The following DHX36 variants were observed in gnomAD, a reference collection of about 807,000 sequenced individuals.
The protein encoded by DHX36 is DEAH-box helicase 36.
Under a neutral mutation model 139.0 loss-of-function variants are expected in DHX36, and 50 were observed. The observed-to-expected ratio is 0.36, with a 90% CI of 0.29 to 0.46. The LOEUF is 0.46. Among genes scored for constraint, DHX36 ranks in the 20% least tolerant of loss-of-function variants. The pLI, the probability that DHX36 is intolerant of heterozygous loss-of-function variation, is 1.00. For missense variants in DHX36, 1,024 were observed against 1,211.3 expected, an observed-to-expected ratio of 0.85 and a Z score of 2.29; for synonymous variants, 425 against 401.9, an observed-to-expected ratio of 1.06 and a Z score of -0.69.
Position 154,285,006 on chromosome 3 carries a change from T to G in DHX36, c.2032-19A>C, listed in dbSNP as rs1711507160. 1 of 1,613,300 alleles carries G rather than the reference T, an allele frequency of 6.2e-7. No individual in the cohort carries two copies. The highest frequency in any genetic ancestry group is 2.2e-5 in the East Asian group (1 of 44,854). On this transcript the variant is annotated intron_variant, in intron 17 of 24. Coordinates refer to ENST00000496811, the MANE Select transcript of DHX36 (RefSeq NM_020865.3). ...AAGCGTTCTGTAAAGGAAGAGTGTGTGTTTAAAATAGATCCTGTAAAGCAT... is the reference window on the plus strand; with the variant it reads ...AAGCGTTCTGTAAAGGAAGAGTGTGGGTTTAAAATAGATCCTGTAAAGCAT...
At chr3:154,310,828 T>TATATATATGTATATAC (rs1712729496) in intron 4 of DHX36, among the ~76,000 whole-genome samples, 4 of 32,956 alleles carry the variant, frequency 1.2e-4, no homozygotes, top group Non-Finnish European at 1.8e-4. Context: ...TATATATATA[T>TATATATATGTATATAC]ATATATATAT....
chr3:154,310,829 A>ATATATG (rs1712729886), intron 4 of DHX36, among the ~76,000 whole-genome samples: 3 of 41,088 alleles, frequency 7.3e-5, no homozygotes, highest in African/African-American at 1.4e-4. Flanking sequence ...ATATATATAT[A>ATATATG]TATATATATA....
intron 4 of DHX36, among the ~76,000 whole-genome samples, chr3:154,311,028 G>A (rs765129855): frequency 3.3e-5 from 5 of 150,934 alleles, no homozygotes; most frequent in Non-Finnish European, 4.4e-5. Flanking sequence ...TAGAATGCCA[G>A]GCACTGTTCT....
chr3:154,292,422 G>T, intron 15 of DHX36, 129 bp downstream of exon 15: 1 of 1,276,712 alleles, frequency 7.8e-7, no homozygotes, highest in Non-Finnish European at 1.1e-6. Flanking sequence ...ATTTAAAAAT[G>T]TTTTGCAATA....
At chr3:154,282,463 ATTC>A (rs1465880715) in intron 20 of DHX36, among the ~76,000 whole-genome samples, 1 of 151,432 alleles carries the variant, frequency 6.6e-6, no homozygotes, top group Non-Finnish European at 1.5e-5. Context: ...CTGAATTCAT[ATTC>A]TTATTAGCTA....
intron 1 of DHX36, chr3:154,319,212 G>A (rs1284132751): frequency 1.3e-5 from 2 of 151,904 alleles, no homozygotes; most frequent in Non-Finnish European, 1.5e-5. Flanking sequence ...TTTTTTTCAT[G>A]ACTATTTTCT....
chr3:154,323,968 T>A (rs1024897601), intron 1 of DHX36, among the ~76,000 whole-genome samples: 6 of 152,220 alleles, frequency 3.9e-5, no homozygotes, highest in African/African-American at 1.4e-4. Flanking sequence ...CCTGCATAAA[T>A]CCTGCCTGTT....
rs1164733878 is a variant in DHX36 at position 154,316,079 on chromosome 3, A to C, written c.328T>G (p.Ser110Ala). 6.2e-7 allele frequency: 1 copy of C among 1,613,068 alleles called. No individual in the cohort carries two copies. The highest frequency in any genetic ancestry group is 8.5e-7 in the Non-Finnish European group (1 of 1,179,494). The change falls in exon 2 of 25, where the codon TCA becomes GCA. Residue 110 changes from serine to alanine, a missense_variant. By Grantham distance (99) the Ser-to-Ala change is moderately conservative. Around this residue, in one of 4 missense-constraint regions of DHX36, gnomAD observed 293 missense variants for 274.4 expected, o/e 1.07. Coordinates refer to ENST00000496811, the MANE Select transcript of DHX36 (RefSeq NM_020865.3). Reference sequence around the variant, plus strand: ...GCAAACCAGGATATCTGTGCTTCTGACTCTTTATCATTCTTCGCTTGAACA... The same window carrying C: ...GCAAACCAGGATATCTGTGCTTCTGCCTCTTTATCATTCTTCGCTTGAACA... ...NSVQAKNDKE[S>A]EAQISWFAPE...
intron 3 of DHX36, 45 bp downstream of exon 3, chr3:154,315,001 T>C: frequency 7.4e-7 from 1 of 1,359,936 alleles, no homozygotes; most frequent in Non-Finnish European, 1.0e-6. Flanking sequence ...TTTTATAAAG[T>C]GTAAGAAAAA....
chr3:154,283,120 T>C lies in DHX36; in HGVS notation c.2376+68A>G. 2.4e-6 allele frequency: 3 copies of C among 1,253,188 alleles called. No homozygotes were observed. The Admixed American group carries it at 5.1e-5, about 21-fold the overall frequency. The allele number at this position is 1,253,188 out of a possible 1,614,324, so 77.6% of individuals were successfully genotyped here. The stretch of plus-strand genomic sequence containing the variant: ...GACTTTTTTGCTATAGATCTAATTG[T>C]ACAAAATGGATGTATATATTCTCTA... On this transcript the variant is annotated intron_variant, in intron 20 of 24. Coordinates refer to ENST00000496811, the MANE Select transcript of DHX36 (RefSeq NM_020865.3).
chr3:154,300,476 C>CA (rs1712223451), intron 11 of DHX36, 118 bp downstream of exon 11: 1 of 785,004 alleles, frequency 1.3e-6, no homozygotes, highest in East Asian at 2.7e-5. Context: ...TTTCTAGTAT[C>CA]AAAAGTAATT....
chr3:154,313,455 G>T (rs1350258019), intron 3 of DHX36, among the ~76,000 whole-genome samples: 1 of 152,134 alleles, frequency 6.6e-6, no homozygotes, highest in East Asian at 1.9e-4. Context: ...GGAGGTAGGA[G>T]GATTGCTTGA....
In DHX36 at chr3:154,306,292, C is replaced by T. The variant is rs756572280; in HGVS notation, c.817G>A (p.Ala273Thr). The T allele has an allele frequency of 5.6e-6, 9 of 1,612,152 alleles. No homozygotes were observed. The highest frequency in any genetic ancestry group is 8.5e-7 in the Non-Finnish European group (1 of 1,178,726). The change falls in exon 6 of 25, where the codon GCG (alanine) becomes ACG (threonine). Residue 273 changes from alanine to threonine, a missense_variant. Physicochemically the swap from Ala to Thr is moderately conservative, Grantham distance 58. Coordinates refer to ENST00000496811, the MANE Select transcript of DHX36 (RefSeq NM_020865.3). ...QPRRISAISV[A>T]ERVAAERAES... Reference sequence around the variant, plus strand: ...GCCCTTTCTGCAGCTACTCTTTCCGCAACCTTTAATTCAAATAAAACATAA... The same window carrying T: ...GCCCTTTCTGCAGCTACTCTTTCCGTAACCTTTAATTCAAATAAAACATAA...
At chr3:154,285,299 AAAAAC>A (rs1257117133) in intron 17 of DHX36, among the ~76,000 whole-genome samples, 4 of 152,352 alleles carry the variant, frequency 2.6e-5, no homozygotes, top group Middle Eastern at 3.4e-3. Flanking sequence ...AACAAACAAC[AAAAAC>A]AAAAGATACA....
At chr3:154,299,285 T>C (rs1033446438) in intron 12 of DHX36, among the ~76,000 whole-genome samples, 2 of 152,196 alleles carry the variant, frequency 1.3e-5, no homozygotes, top group African/African-American at 4.8e-5. Context: ...ATAAAAAAAT[T>C]ATATTCAGAA....
intron 20 of DHX36, among the ~76,000 whole-genome samples, chr3:154,282,931 A>G (rs556030183): frequency 1.9e-4 from 29 of 152,204 alleles, no homozygotes; most frequent in Non-Finnish European, 4.0e-4. Context: ...AATCATCAAA[A>G]TAGCAACTAG....
chr3:154,303,263 G>C, intron 9 of DHX36, 66 bp downstream of exon 9: 2 of 1,183,952 alleles, frequency 1.7e-6, no homozygotes, highest in African/African-American at 3.1e-5. Flanking sequence ...TGAGACTAAA[G>C]TTTGACATGA....
chr3:154,311,490 C>A, intron 4 of DHX36, 146 bp downstream of exon 4: 2 of 605,004 alleles, frequency 3.3e-6, no homozygotes, highest in South Asian at 6.2e-5. Flanking sequence ...TCTTTTTGTC[C>A]TTAATTCAAA....
rs72996671 is a variant in DHX36 at position 154,317,877 on chromosome 3, C to A, written c.244-1714G>T. On this transcript the variant is annotated intron_variant, in intron 1 of 24. Transcript: ENST00000496811. ...CCACAGTAAAACTAATGACCCAGTA[C>A]ACACATATACAAGTAATTTCACAAA... Among the ~76,000 whole-genome samples the A allele has an allele frequency of 5.6e-3, 850 of 152,000 alleles. 12 individuals carry two copies. Among genetic ancestry groups the A allele is most frequent in the African/African-American group, 0.02 (810 of 41,480 alleles).
Sources: allele counts gnomAD v4.1 joint callset (sites outside exome capture counted in the v4.1 genomes callset), GRCh38; gene constraint gnomAD v4.1.1; regional missense constraint gnomAD v4.1.1; transcripts MANE v1.5; gene names NCBI Gene and HGNC (gene_info 2026-07-23, HGNC 2026-07-21).